Variants in WWC1 observed in about 807,000 individuals in gnomAD.
The protein encoded by WWC1 is WW and C2 domain containing 1.
WWC1 carries 55 observed loss-of-function variants against 138.4 expected under a neutral mutation model. The observed-to-expected ratio is 0.40, with a 90% CI of 0.32 to 0.50. The LOEUF (loss-of-function observed/expected upper bound fraction) is 0.50, where lower values mean the gene tolerates loss of function less well. Among genes scored for constraint, WWC1 ranks in the 20% least tolerant of loss-of-function variants. The pLI, the probability that WWC1 is intolerant of heterozygous loss-of-function variation, is 0.72. For synonymous variants in WWC1, 524 were observed against 564.9 expected, an observed-to-expected ratio of 0.93 and a Z score of 1.03; for missense variants, 1,226 against 1,420.4, an observed-to-expected ratio of 0.86 and a Z score of 2.20.
chr5:168,340,265 G>T (rs890664270), intron 1 of WWC1, among the ~76,000 whole-genome samples: 4 of 151,984 alleles, frequency 2.6e-5, no homozygotes, highest in Non-Finnish European at 4.4e-5. Context: ...TAGTAGAGAC[G>T]GAGTTTCCTC....
At chr5:168,325,060 C>T (rs990996705) in intron 1 of WWC1, among the ~76,000 whole-genome samples, 1 of 152,222 alleles carries the variant, frequency 6.6e-6, no homozygotes, top group African/African-American at 2.4e-5. Flanking sequence ...TTTCCTCATT[C>T]CAGTCCTGAT....
intron 1 of WWC1, among the ~76,000 whole-genome samples, chr5:168,352,774 G>A (rs1221582716): frequency 6.6e-6 from 1 of 151,828 alleles, no homozygotes; most frequent in African/African-American, 2.4e-5. Context: ...AGTAGAGATG[G>A]GGTTTCACCA....
intron 9 of WWC1, among the ~76,000 whole-genome samples, chr5:168,417,611 CCTT>C (rs1451832207): frequency 2.6e-5 from 4 of 152,160 alleles, no homozygotes; most frequent in Non-Finnish European, 5.9e-5. Flanking sequence ...ACTCAGAAGG[CCTT>C]CTGTTATTGC....
chr5:168,441,598 A>C (rs893313417), intron 15 of WWC1, 84 bp from the exon 16 acceptor site: 1 of 1,492,228 alleles, frequency 6.7e-7, no homozygotes. Flanking sequence ...TGTTTTTTCC[A>C]TACTGTCCTC....
intron 19 of WWC1, among the ~76,000 whole-genome samples, chr5:168,458,037 A>G (rs1312323153): frequency 3.9e-5 from 6 of 152,192 alleles, no homozygotes; most frequent in Admixed American, 2.0e-4. Context: ...AGGCAGTAGA[A>G]GCAAGGTTCT....
intron 15 of WWC1, among the ~76,000 whole-genome samples, chr5:168,441,040 C>T (rs534789228): frequency 6.6e-6 from 1 of 152,154 alleles, no homozygotes; most frequent in Non-Finnish European, 1.5e-5. Context: ...TCACCGCACT[C>T]CAGCCTGGGC....
intron 5 of WWC1, among the ~76,000 whole-genome samples, chr5:168,401,114 AAAG>A (rs1484158791): frequency 3.9e-5 from 6 of 152,278 alleles, no homozygotes; most frequent in East Asian, 1.9e-4. Context: ...AAAAGAAAGA[AAAG>A]AAGGAGAGAG....
intron 1 of WWC1, among the ~76,000 whole-genome samples, chr5:168,299,959 A>G (rs1769915688): frequency 6.6e-6 from 1 of 152,148 alleles, no homozygotes; most frequent in Non-Finnish European, 1.5e-5. Context: ...GGGGCCCTGG[A>G]TAAGAGGAAT....
At chr5:168,467,535 G>C (rs1028945254) in intron 21 of WWC1, among the ~76,000 whole-genome samples, 1 of 152,172 alleles carries the variant, frequency 6.6e-6, no homozygotes, top group African/African-American at 2.4e-5. Flanking sequence ...GGGTAAAATA[G>C]AGGTAATAAC....
intron 4 of WWC1, among the ~76,000 whole-genome samples, chr5:168,398,020 G>A (rs949972328): frequency 3.4e-5 from 5 of 145,038 alleles, no homozygotes; most frequent in African/African-American, 9.9e-5. Context: ...GGCACAGTGC[G>A]AAATATCTCA....
At chr5:168,441,202 G>A (rs989800055) in intron 15 of WWC1, among the ~76,000 whole-genome samples, 1 of 152,176 alleles carries the variant, frequency 6.6e-6, no homozygotes, top group Non-Finnish European at 1.5e-5. Flanking sequence ...ATTATATGAG[G>A]TATCGAAAGT....
chr5:168,330,544 G>T lies in WWC1; in HGVS notation c.119+38273G>T, dbSNP rs190142657. On this transcript the variant is annotated intron_variant, in intron 1 of 22. Transcript: ENST00000265293. ...TCACTATTGTTACCCCTACTTCTAT[G>T]CACCCACCATGTATGCATGGAATGT... 2.4e-3 allele frequency among the ~76,000 whole-genome samples: 370 copies of T among 152,258 alleles called. 2 individuals are homozygous for T. Among genetic ancestry groups the T allele is most frequent in the African/African-American group, 8.6e-3 (356 of 41,550 alleles).
At chr5:168,368,540 G>A (rs1465031964) in intron 1 of WWC1, among the ~76,000 whole-genome samples, 1 of 152,134 alleles carries the variant, frequency 6.6e-6, no homozygotes, top group Non-Finnish European at 1.5e-5. Flanking sequence ...ACTTCTCTGG[G>A]CACAGTGCAG....
chr5:168,343,816 CA>C (rs35208487), intron 1 of WWC1, among the ~76,000 whole-genome samples: 17,854 of 135,356 alleles, frequency 0.13, 1,478 homozygotes, highest in East Asian at 0.44. Context: ...GACTATGTCT[CA>C]AAAAAAAAAA....
intron 2 of WWC1, among the ~76,000 whole-genome samples, chr5:168,381,973 C>A (rs6884189): frequency 6.6e-6 from 1 of 151,754 alleles, no homozygotes; most frequent in Admixed American, 6.6e-5. Context: ...TGTGTGTACC[C>A]TCTGATCTAG....
chr5:168,364,282 T>C (rs1459021303), intron 1 of WWC1, among the ~76,000 whole-genome samples: 1 of 152,142 alleles, frequency 6.6e-6, no homozygotes, highest in African/African-American at 2.4e-5. Context: ...TCCTTAACCA[T>C]GGAGCTGACC....
intron 1 of WWC1, among the ~76,000 whole-genome samples, chr5:168,331,238 G>A (rs886302095): frequency 1.3e-5 from 2 of 152,182 alleles, no homozygotes; most frequent in South Asian, 2.1e-4. Flanking sequence ...ACATGATGGA[G>A]CATTCAGCAA....
chr5:168,397,906 C>T, intron 4 of WWC1, 106 bp downstream of exon 4: 1 of 1,217,996 alleles, frequency 8.2e-7, no homozygotes. Flanking sequence ...CAGGCTATGA[C>T]AGCCAGTGCT....
chr5:168,362,102 T>C (rs533005287), intron 1 of WWC1, among the ~76,000 whole-genome samples: 1 of 152,054 alleles, frequency 6.6e-6, no homozygotes, highest in South Asian at 2.1e-4. Flanking sequence ...AATAAATAAA[T>C]AAATGAAAAA....
Sources: gnomAD v4.1 joint callset for allele counts (sites outside exome capture counted in the v4.1 genomes callset) on GRCh38, gnomAD v4.1.1 for gene constraint, MANE v1.5 for transcripts, NCBI Gene and HGNC (gene_info 2026-07-23, HGNC 2026-07-21) for gene names.